LSAMP: variants seen among roughly 807,000 people sequenced by gnomAD.
The protein encoded by LSAMP is limbic system-associated membrane protein.
In LSAMP, 7 loss-of-function variants were observed where a neutral mutation model predicts 38.6. The ratio of observed to expected loss-of-function variants is 0.18; its 90% confidence interval spans 0.10 to 0.34. LSAMP has a LOEUF of 0.34. LSAMP is among the 10% of genes least tolerant of loss of function. LSAMP has a pLI of 1.00. For synonymous variants in LSAMP, 154 were observed against 166.8 expected, an observed-to-expected ratio of 0.92 and a Z score of 0.59; for missense variants, 313 against 420.0, an observed-to-expected ratio of 0.75 and a Z score of 2.23.
chr3:116,302,100 T>C (rs1239519988), intron 1 of LSAMP, among the ~76,000 whole-genome samples: 1 of 152,232 alleles, frequency 6.6e-6, no homozygotes, highest in African/African-American at 2.4e-5. Flanking sequence ...GAAGAAGCTG[T>C]TCTGAAATGA....
At chr3:116,269,672 G>A (rs944458264) in intron 1 of LSAMP, among the ~76,000 whole-genome samples, 6 of 152,028 alleles carry the variant, frequency 3.9e-5, no homozygotes, top group Non-Finnish European at 8.8e-5. Context: ...GTGAAGAGGG[G>A]CACTACTAAT....
chr3:116,367,100 C>T (rs746228884), intron 1 of LSAMP, among the ~76,000 whole-genome samples: 27 of 152,036 alleles, frequency 1.8e-4, no homozygotes, highest in South Asian at 2.1e-4. Flanking sequence ...CCATAACGAT[C>T]GATCAGATTA....
chr3:116,076,595 A>T (rs1559733394), intron 2 of LSAMP, among the ~76,000 whole-genome samples: 1 of 152,186 alleles, frequency 6.6e-6, no homozygotes, highest in Non-Finnish European at 1.5e-5. Context: ...ATGCCTGTCC[A>T]TTCTTCATAA....
At chr3:116,102,819 T>G (rs1296759630) in intron 1 of LSAMP, among the ~76,000 whole-genome samples, 1 of 143,486 alleles carries the variant, frequency 7.0e-6, no homozygotes, top group Non-Finnish European at 1.5e-5. Flanking sequence ...TCTATGGGTT[T>G]TGTTTCTCTG....
intron 1 of LSAMP, among the ~76,000 whole-genome samples, chr3:116,314,613 T>C (rs950065112): frequency 1.3e-5 from 2 of 152,198 alleles, no homozygotes. Flanking sequence ...TGTCAGAATA[T>C]AGTTATGGGT....
chr3:116,161,589 C>T (rs1709888349), intron 1 of LSAMP, among the ~76,000 whole-genome samples: 1 of 152,104 alleles, frequency 6.6e-6, no homozygotes, highest in Non-Finnish European at 1.5e-5. Context: ...ATGTTGTAGG[C>T]TTCAAGAGCT....
intron 1 of LSAMP, among the ~76,000 whole-genome samples, chr3:116,279,633 T>C (rs143336162): frequency 1.3e-5 from 2 of 152,346 alleles, no homozygotes; most frequent in African/African-American, 2.4e-5. Context: ...TTATTATATT[T>C]TATTGCTTGT....
In LSAMP at chr3:116,248,482, T is replaced by C. The variant is rs1458437773; in HGVS notation, c.156-161926A>G. Among the ~76,000 whole-genome samples the C allele has an allele frequency of 4.5e-4, 4 of 8,968 alleles. No homozygotes were observed. In the Admixed American group the frequency reaches 0.01, roughly 23 times the overall value. The allele number at this position is 8,968 out of a possible 152,430, so 5.9% of individuals were successfully genotyped here. On this transcript the variant is annotated intron_variant, in intron 1 of 6. Transcript: ENST00000490035. ...ATAGTAAGACCCTGTCTCTAATGTG[T>C]GTGTGTGTGTGTGTGTGTGTGTGTG...
At chr3:115,861,167 TTCC>T (rs2107357479) in intron 3 of LSAMP, among the ~76,000 whole-genome samples, 1 of 117,302 alleles carries the variant, frequency 8.5e-6, no homozygotes, top group South Asian at 3.5e-4. Flanking sequence ...CCTTCCTTCC[TTCC>T]TTCCTTCCTT....
At chr3:116,376,878 C>T (rs1417543009) in intron 1 of LSAMP, among the ~76,000 whole-genome samples, 1 of 151,974 alleles carries the variant, frequency 6.6e-6, no homozygotes, top group Non-Finnish European at 1.5e-5. Context: ...AATCCCAACT[C>T]GTAACTCTGT....
At chr3:115,937,551 G>A (rs1306234849) in intron 3 of LSAMP, among the ~76,000 whole-genome samples, 1 of 151,940 alleles carries the variant, frequency 6.6e-6, no homozygotes, top group African/African-American at 2.4e-5. Context: ...TGAGGTGGGA[G>A]GATTGCTTGA....
intron 1 of LSAMP, among the ~76,000 whole-genome samples, chr3:116,123,747 T>A (rs766833772): frequency 5.3e-5 from 8 of 152,216 alleles, no homozygotes; most frequent in African/African-American, 1.9e-4. Flanking sequence ...TAGATATTAA[T>A]CAGACTTATA....
chr3:116,381,268 A>T (rs2048554901), intron 1 of LSAMP, among the ~76,000 whole-genome samples: 1 of 152,078 alleles, frequency 6.6e-6, no homozygotes, highest in Admixed American at 6.6e-5. Flanking sequence ...TCCAATGAAA[A>T]AGTTATTAAC....
chr3:116,201,573 C>A (rs1419720867), intron 1 of LSAMP, among the ~76,000 whole-genome samples: 1 of 152,084 alleles, frequency 6.6e-6, no homozygotes, highest in Non-Finnish European at 1.5e-5. Context: ...GGTTAATGGA[C>A]CCCTTAAAAT....
At chr3:116,281,356 G>T (rs762196818) in intron 1 of LSAMP, among the ~76,000 whole-genome samples, 5 of 152,124 alleles carry the variant, frequency 3.3e-5, no homozygotes, top group Non-Finnish European at 5.9e-5. Context: ...TAGAAAAATT[G>T]GTGAGACAAT....
intron 1 of LSAMP, among the ~76,000 whole-genome samples, chr3:116,421,543 TA>T (rs113227325): frequency 3.7e-5 from 5 of 136,458 alleles, no homozygotes; most frequent in Admixed American, 7.2e-5. Flanking sequence ...AGATTCTGTC[TA>T]AAAAAAAAAA....
intron 1 of LSAMP, among the ~76,000 whole-genome samples, chr3:116,289,818 C>T (rs183580731): frequency 6.6e-6 from 1 of 152,272 alleles, no homozygotes; most frequent in East Asian, 1.9e-4. Context: ...TATCAGTTTG[C>T]TACAAAGAAG....
At chr3:116,260,945 G>A (rs2046818917) in intron 1 of LSAMP, among the ~76,000 whole-genome samples, 1 of 152,180 alleles carries the variant, frequency 6.6e-6, no homozygotes, top group Non-Finnish European at 1.5e-5. Flanking sequence ...AAAGGATGCA[G>A]CTGATTAACA....
intron 1 of LSAMP, among the ~76,000 whole-genome samples, chr3:116,162,107 C>A (rs1319001087): frequency 6.6e-6 from 1 of 152,132 alleles, no homozygotes; most frequent in African/African-American, 2.4e-5. Flanking sequence ...TCTTTCTGCA[C>A]ATTCACATTA....
Sources: allele counts gnomAD v4.1 joint callset (sites outside exome capture counted in the v4.1 genomes callset), GRCh38; gene constraint gnomAD v4.1.1; transcripts MANE v1.5; gene names NCBI Gene and HGNC (gene_info 2026-07-23, HGNC 2026-07-21).